Variants in CYP2C19 observed in about 807,000 individuals in gnomAD.
CYP2C19 encodes the protein cytochrome P450 2C19.
A neutral mutation model predicts 40.9 loss-of-function variants in CYP2C19; 59 were observed. The observed-to-expected ratio is 1.44, with a 90% CI of 1.17 to 1.79. The LOEUF is 1.79. Among genes scored for constraint, CYP2C19 ranks in the 40% most tolerant of loss-of-function variants. The probability of loss-of-function intolerance (pLI) is 0.00; values close to 1 mark genes in which losing one functional copy is unlikely to be tolerated. For synonymous variants in CYP2C19, 253 were observed against 208.7 expected, an observed-to-expected ratio of 1.21 and a Z score of -1.83; for missense variants, 754 against 596.9, an observed-to-expected ratio of 1.26 and a Z score of -2.74.
At chr10:94,795,550 C>G (rs1848671485) in intron 5 of CYP2C19, among the ~76,000 whole-genome samples, 1 of 150,692 alleles carries the variant, frequency 6.6e-6, no homozygotes, top group Admixed American at 6.6e-5. Context: ...AATGGTATTT[C>G]CAGTTCTATA....
At chr10:94,833,784 T>A (rs1380948118) in intron 6 of CYP2C19, among the ~76,000 whole-genome samples, 1 of 152,254 alleles carries the variant, frequency 6.6e-6, no homozygotes, top group Non-Finnish European at 1.5e-5. Context: ...TTCATTCTGT[T>A]GATATGATGT....
intron 4 of CYP2C19, 33 bp from the exon 5 acceptor site, chr10:94,781,788 C>G (rs769966695): frequency 2.7e-5 from 32 of 1,190,770 alleles, no homozygotes; most frequent in Non-Finnish European, 3.4e-5. Flanking sequence ...TTATTAAATG[C>G]TTTTAATTTA....
intron 5 of CYP2C19, among the ~76,000 whole-genome samples, chr10:94,816,815 G>A (rs547647690): frequency 9.4e-5 from 14 of 149,616 alleles, no homozygotes; most frequent in African/African-American, 3.2e-4. Flanking sequence ...ACCTATGAGT[G>A]AGAATATACG....
chr10:94,785,226 A>C (rs1848526407), intron 5 of CYP2C19, among the ~76,000 whole-genome samples: 1 of 152,086 alleles, frequency 6.6e-6, no homozygotes, highest in Non-Finnish European at 1.5e-5. Flanking sequence ...TTATGAACCT[A>C]TTGCCAAATA....
intron 4 of CYP2C19, 60 bp from the exon 5 acceptor site, chr10:94,781,761 A>G: frequency 1.2e-6 from 1 of 807,556 alleles, no homozygotes; most frequent in South Asian, 4.7e-5. Flanking sequence ...AGAGCTTGGC[A>G]TATTGTATCT....
Position 94,762,730 on chromosome 10 carries a change from C to T in CYP2C19, c.25C>T (p.Leu9Phe). 6.2e-7 allele frequency: 1 copy of T among 1,613,694 alleles called. No individual in the cohort carries two copies. Among genetic ancestry groups the T allele is most frequent in the South Asian group, 1.1e-5 (1 of 91,048 alleles). MDPFVVLV[L>F]CLSCLLLLSI... The stretch of plus-strand genomic sequence containing the variant: ...AATGGATCCTTTTGTGGTCCTTGTG[C>T]TCTGTCTCTCATGTTTGCTTCTCCT... The change falls in exon 1 of 9, where the codon CTC becomes TTC. Residue 9 changes from leucine (L) to phenylalanine (F), a missense_variant. Coordinates refer to ENST00000371321, the MANE Select transcript of CYP2C19 (RefSeq NM_000769.4).
chr10:94,822,833 T>G (rs1348464840), intron 6 of CYP2C19, among the ~76,000 whole-genome samples: 1 of 152,190 alleles, frequency 6.6e-6, no homozygotes, highest in African/African-American at 2.4e-5. Context: ...TGATTAGTGA[T>G]GTTGAACATT....
At chr10:94,843,202 G>C (rs1367794165) in intron 7 of CYP2C19, among the ~76,000 whole-genome samples, 178 bp downstream of exon 7, 1 of 152,208 alleles carries the variant, frequency 6.6e-6, no homozygotes, top group East Asian at 1.9e-4. Flanking sequence ...ACAGGTCTTA[G>C]TGTCTCACAG....
intron 5 of CYP2C19, among the ~76,000 whole-genome samples, chr10:94,783,321 A>G (rs1848502045): frequency 6.6e-6 from 1 of 152,060 alleles, no homozygotes; most frequent in African/African-American, 2.4e-5. Context: ...TAGGCCTTAA[A>G]ATATTTGCAG....
intron 5 of CYP2C19, among the ~76,000 whole-genome samples, chr10:94,789,514 T>G (rs1336437590): frequency 6.6e-6 from 1 of 152,160 alleles, no homozygotes; most frequent in African/African-American, 2.4e-5. Context: ...CTTGAATTAA[T>G]TTTTGTATAA....
chr10:94,854,807 A>C lies in CYP2C19; in HGVS notation c.*1893A>C, dbSNP rs1049799099. Among the ~76,000 whole-genome samples the C allele has an allele frequency of 1.3e-5, 2 of 152,196 alleles. No homozygotes were observed. Among genetic ancestry groups the C allele is most frequent in the African/African-American group, 4.8e-5 (2 of 41,454 alleles). ...AAGTAATATGCCAGCAAAACCTCTA[A>C]GGTGATAGAAACATAGGCAAATAAT... On this transcript the variant is annotated 3_prime_UTR_variant, in exon 9 of 9. Transcript: ENST00000371321.
chr10:94,810,128 C>T (rs1406464837), intron 5 of CYP2C19, among the ~76,000 whole-genome samples: 1 of 152,156 alleles, frequency 6.6e-6, no homozygotes, highest in African/African-American at 2.4e-5. Flanking sequence ...GATCCACCCA[C>T]CTCAGCCTCC....
At chr10:94,838,934 T>A (rs976442740) in intron 6 of CYP2C19, among the ~76,000 whole-genome samples, 11 of 152,016 alleles carry the variant, frequency 7.2e-5, no homozygotes, top group African/African-American at 2.7e-4. Context: ...AAAATATAAG[T>A]CATTTCTTTC....
At chr10:94,827,145 C>T (rs1283271443) in intron 6 of CYP2C19, among the ~76,000 whole-genome samples, 10 of 151,398 alleles carry the variant, frequency 6.6e-5, no homozygotes, top group Middle Eastern at 3.4e-3. Context: ...TGTCTCTGCC[C>T]GGCTTTGGTA....
chr10:94,847,685 G>A (rs1246150983), intron 7 of CYP2C19, among the ~76,000 whole-genome samples: 1 of 152,114 alleles, frequency 6.6e-6, no homozygotes, highest in African/African-American at 2.4e-5. Context: ...CTAGTTTACA[G>A]TCCCACCAAC....
Position 94,853,368 on chromosome 10 carries a change from G to A in CYP2C19, c.*454G>A, listed in dbSNP as rs1341517917. On this transcript the variant is annotated 3_prime_UTR_variant, in exon 9 of 9. Coordinates refer to ENST00000371321, the MANE Select transcript of CYP2C19 (RefSeq NM_000769.4). Reference sequence around the variant, plus strand: ...TTCTCAAAACGATAAGGACAGAAAGGACAAAGGTGAAGATGGTAGGGAAGC... The same window carrying A: ...TTCTCAAAACGATAAGGACAGAAAGAACAAAGGTGAAGATGGTAGGGAAGC... Among the ~76,000 whole-genome samples, 1 of 152,124 alleles carries A rather than the reference G, an allele frequency of 6.6e-6. No individual in the cohort carries two copies. Among genetic ancestry groups the A allele is most frequent in the Non-Finnish European group, 1.5e-5 (1 of 68,038 alleles).
intron 5 of CYP2C19, among the ~76,000 whole-genome samples, chr10:94,793,943 G>A (rs529432590): frequency 6.6e-6 from 1 of 152,280 alleles, no homozygotes; most frequent in East Asian, 1.9e-4. Flanking sequence ...GTTCAGCTAT[G>A]CCCTGCCCCC....
intron 6 of CYP2C19, among the ~76,000 whole-genome samples, chr10:94,836,635 C>G (rs569113607): frequency 5.3e-5 from 8 of 152,304 alleles, no homozygotes; most frequent in African/African-American, 1.9e-4. Flanking sequence ...CTCTTAGTTG[C>G]TTTATGGTTT....
At position 94,762,794 on chromosome 10, in the gene CYP2C19, C is replaced by T. The variant is rs750669985; in HGVS notation, c.89C>T (p.Pro30Leu). 6.8e-6 allele frequency: 11 copies of T among 1,613,608 alleles called. No individual in the cohort carries two copies. In the Admixed American group the frequency reaches 1.8e-4, roughly 27 times the overall value. ...WRQSSGRGKL[P>L]PGPTPLPVIG... ...CAGAGCTCTGGGAGAGGAAAACTCC[C>T]TCCTGGCCCCACTCCTCTCCCAGTG... is the stretch of plus-strand genomic sequence containing the variant. The change falls in exon 1 of 9, where the codon CCT becomes CTT. Residue 30 changes from proline (P) to leucine (L), a missense_variant. Pro to Leu is a moderately conservative substitution (Grantham distance 98). Coordinates refer to ENST00000371321, the MANE Select transcript of CYP2C19 (RefSeq NM_000769.4).
Sources: gnomAD v4.1 joint callset for allele counts (sites outside exome capture counted in the v4.1 genomes callset) on GRCh38, gnomAD v4.1.1 for gene constraint, MANE v1.5 for transcripts, NCBI Gene and HGNC (gene_info 2026-07-23, HGNC 2026-07-21) for gene names.